CENPF: variants seen among roughly 807,000 people sequenced by gnomAD.
CENPF encodes the protein centromere protein F.
In CENPF, 214 loss-of-function variants were observed where a neutral mutation model predicts 307.3. The ratio of observed to expected loss-of-function variants is 0.70; its 90% CI spans 0.62 to 0.78. The LOEUF (loss-of-function observed/expected upper bound fraction) is 0.78. CENPF is among the 30% of genes least tolerant of loss of function. The pLI, the probability that CENPF is intolerant of heterozygous loss-of-function variation, is 0.00. For missense variants in CENPF, 3,401 were observed against 3,483.9 expected (o/e 0.98, Z 0.60); for synonymous variants, 1,259 against 1,270.6 (o/e 0.99, Z 0.19).
chr1:214,646,469 G>C lies in CENPF; in HGVS notation c.6899G>C (p.Arg2300Thr). ...CCAATAGAGGAAGAGCATCAGCTGA[G>C]AAATAGCATTGAAAAGCTGAGAGCC... ...DPPIEEEHQLRNSIEKLRARL... is the reference protein window; with the variant it reads ...DPPIEEEHQLTNSIEKLRARL... Residue 2300 changes from arginine to threonine, a missense_variant, in exon 13 of 20, where the codon AGA becomes ACA. By Grantham distance (71) the Arg-to-Thr change is moderately conservative. Coordinates refer to ENST00000366955, the MANE Select transcript of CENPF (RefSeq NM_016343.4). 1 of 1,614,102 alleles carries C rather than the reference G, an allele frequency of 6.2e-7. No homozygotes were observed. Among genetic ancestry groups the C allele is most frequent in the African/African-American group, 1.3e-5 (1 of 75,044 alleles).
Position 214,658,430 on chromosome 1 carries a change from T to C in CENPF, c.8963-420T>C, listed in dbSNP as rs567624083. On this transcript the variant is annotated intron_variant, in intron 18 of 19. Transcript: ENST00000366955. ...GAAGTAGCTGTTACCATTTTACATT[T>C]CCCCCCTTTCCCTTTCTTTTTTTTT... 2.0e-5 allele frequency among the ~76,000 whole-genome samples: 3 copies of C among 151,818 alleles called. No individual in the cohort carries two copies. In the East Asian group the frequency reaches 5.8e-4, roughly 29 times the overall value.
rs1658603909 is a variant in CENPF at position 214,655,390 on chromosome 1, G to A, written c.8472G>A (p.Glu2824=). 4 of 1,594,052 alleles carry A rather than the reference G, an allele frequency of 2.5e-6. No homozygotes were observed. The highest frequency in any genetic ancestry group is 3.4e-6 in the Non-Finnish European group (4 of 1,172,576). The change falls in exon 17 of 20, where the codon GAG becomes GAA. Residue 2824 remains glutamate (E), a synonymous_variant. Transcript: ENST00000366955. The stretch of plus-strand genomic sequence containing the variant: ...TCTCTCAACTTCAAGCTGCACAGGA[G>A]AAGCAGAAAACAGGTGGGTGTTAAC... ...KELSQLQAAQ[E]KQKTGTVMDT... is the part of the protein sequence containing the mutation.
chr1:214,651,006 A>G (rs541123861), intron 14 of CENPF, among the ~76,000 whole-genome samples: 3 of 152,338 alleles, frequency 2.0e-5, no homozygotes, highest in South Asian at 2.1e-4. Flanking sequence ...GTCGATTGAG[A>G]TGAGCTTAGA....
In CENPF at chr1:214,640,960, T is replaced by TC. The variant is rs750131359; in HGVS notation, c.2623dup (p.Gln875ProfsTer6). ...ATCTCATGAAAGCAGAACAGATGCA[T>TC]CAAAGTTTTGTGGCTGAAACAAGTC... On this transcript the variant is annotated frameshift_variant, in exon 12 of 20. Coordinates refer to ENST00000366955, the MANE Select transcript of CENPF (RefSeq NM_016343.4). LOFTEE classifies it high-confidence loss of function. 5.0e-6 allele frequency: 8 copies of TC among 1,603,620 alleles called. No homozygotes were observed. The highest frequency in any genetic ancestry group is 5.9e-6 in the Non-Finnish European group (7 of 1,177,556).
chr1:214,620,950 A>G lies in CENPF; in HGVS notation c.865+4A>G. On this transcript the variant is annotated splice_donor_region_variant and intron_variant, in intron 6 of 19. Transcript: ENST00000366955. Reference sequence around the variant, plus strand: ...CAATTAAAAGCGCAGAATCAAGGTAACATTGAGCTAAGTTAAGTTTAAATT... The same window carrying G: ...CAATTAAAAGCGCAGAATCAAGGTAGCATTGAGCTAAGTTAAGTTTAAATT... 1 of 1,591,736 alleles carries G rather than the reference A, an allele frequency of 6.3e-7. No homozygotes were observed. The highest frequency in any genetic ancestry group is 1.2e-5 in the South Asian group (1 of 86,894).
chr1:214,642,662 T>C lies in CENPF; in HGVS notation c.4324T>C (p.Leu1442=). The C allele has an allele frequency of 6.2e-7, 1 of 1,614,126 alleles. No individual in the cohort carries two copies. The highest frequency in any genetic ancestry group is 8.5e-7 in the Non-Finnish European group (1 of 1,180,018). Residue 1442 remains leucine, a synonymous_variant, in exon 12 of 20, where the codon TTA becomes CTA. Transcript: ENST00000366955. ...MSELQTYVDS[L]KAENLVLSTN... is the part of the protein sequence containing the mutation. ...AGAGCTGCAGACCTATGTTGACTCA[T>C]TAAAGGCCGAAAATTTGGTCTTGTC...
chr1:214,646,949 A>C lies in CENPF; in HGVS notation c.7379A>C (p.Asp2460Ala). The change falls in exon 13 of 20, where the codon GAC becomes GCC. Residue 2460 changes from aspartate (D) to alanine (A), a missense_variant. Transcript: ENST00000366955. ...GAGAGAGTGGCAGCCCTGCATAATG[A>C]CCAAGAAGCCTGTAAGGCCAAAGAG... ...LNERVAALHN[D>A]QEACKAKEQN... 2 of 1,614,076 alleles carry C rather than the reference A, an allele frequency of 1.2e-6. No individual in the cohort carries two copies. Among genetic ancestry groups the C allele is most frequent in the Non-Finnish European group, 1.7e-6 (2 of 1,179,956 alleles).
At chr1:214,634,700 G>C (rs1657907736) in intron 10 of CENPF, among the ~76,000 whole-genome samples, 1 of 152,200 alleles carries the variant, frequency 6.6e-6, no homozygotes, top group African/African-American at 2.4e-5. Flanking sequence ...ATTGTTTGCT[G>C]TCACCTACAG....
At position 214,639,977 on chromosome 1, in the gene CENPF, C is replaced by G. The variant is rs1276787022; in HGVS notation, c.1639C>G (p.Gln547Glu). The G allele has an allele frequency of 6.4e-7, 1 of 1,570,450 alleles. No individual in the cohort carries two copies. The change falls in exon 12 of 20, where the codon CAA becomes GAA. Residue 547 changes from glutamine (Q) to glutamate (E), a missense_variant. Gln to Glu is a conservative substitution (Grantham distance 29). Transcript: ENST00000366955. ...AGATCTTCAAGAAAAAATAAATCAGCAAGAAAACTCCTTGACTTTAGAAAA... is the reference window on the plus strand; with the variant it reads ...AGATCTTCAAGAAAAAATAAATCAGGAAGAAAACTCCTTGACTTTAGAAAA... Reference protein sequence around the residue: ...LRDLQEKINQQENSLTLEKLK... With the variant: ...LRDLQEKINQEENSLTLEKLK...
At chr1:214,648,124 A>C (rs1265070957) in intron 13 of CENPF, 3 of 347,738 alleles carry the variant, frequency 8.6e-6, no homozygotes, top group African/African-American at 6.4e-5. Context: ...TATCCACAAA[A>C]TTCATCTCCA....
At position 214,630,572 on chromosome 1, in the gene CENPF, C is replaced by A; in HGVS notation, c.1233C>A (p.Asp411Glu). The A allele has an allele frequency of 6.2e-7, 1 of 1,614,104 alleles. No individual in the cohort carries two copies. Among genetic ancestry groups the A allele is most frequent in the Non-Finnish European group, 8.5e-7 (1 of 1,179,994 alleles). ...AACAGCGTTCTTTCCAAACACTGGA[C>A]CAGGAGTGCATCCAGATGAAGGCCA... ...SRQQRSFQTL[D>E]QECIQMKARL... Residue 411 changes from aspartate (D) to glutamate (E), a missense_variant, in exon 9 of 20, where the codon GAC becomes GAA. Asp to Glu is a conservative substitution (Grantham distance 45). Coordinates refer to ENST00000366955, the MANE Select transcript of CENPF (RefSeq NM_016343.4).
intron 3 of CENPF, among the ~76,000 whole-genome samples, chr1:214,617,829 G>C (rs1192970489): frequency 6.6e-6 from 1 of 152,080 alleles, no homozygotes; most frequent in African/African-American, 2.4e-5. Flanking sequence ...GTTCTTTTAT[G>C]TCTCTGTCTT....
In CENPF at chr1:214,641,310, T is replaced by A; in HGVS notation, c.2972T>A (p.Met991Lys). 6.2e-7 allele frequency: 1 copy of A among 1,609,924 alleles called. No individual in the cohort carries two copies. Among genetic ancestry groups the A allele is most frequent in the Non-Finnish European group, 8.5e-7 (1 of 1,179,096 alleles). ...AATGCATCCTTAAATCAAGAGAAGA[T>A]GAACTTAATCCAGAAAAGTGAGAGT... Reference protein sequence around the residue: ...EINASLNQEKMNLIQKSESFA... With the variant: ...EINASLNQEKKNLIQKSESFA... Residue 991 changes from methionine (M) to lysine (K), a missense_variant, in exon 12 of 20, where the codon ATG (methionine) becomes AAG (lysine). Coordinates refer to ENST00000366955, the MANE Select transcript of CENPF (RefSeq NM_016343.4).
Position 214,643,255 on chromosome 1 carries a change from A to G in CENPF, c.4917A>G (p.Glu1639=), listed in dbSNP as rs202126235. ...KQTEQLSLEL[E]VARLQLQGLD... ...CGGAACAACTGTCACTTGAGCTGGAAGTAGCACGACTCCAGCTACAAGGTC... is the reference window on the plus strand; with the variant it reads ...CGGAACAACTGTCACTTGAGCTGGAGGTAGCACGACTCCAGCTACAAGGTC... The change falls in exon 12 of 20, where the codon GAA becomes GAG. Residue 1639 remains glutamate, a synonymous_variant. Transcript: ENST00000366955. The G allele has an allele frequency of 2.9e-5, 46 of 1,578,310 alleles. No homozygotes were observed. Among genetic ancestry groups the G allele is most frequent in the Non-Finnish European group, 3.5e-5 (41 of 1,166,612 alleles).
chr1:214,605,362 G>C, intron 1 of CENPF: 1 of 314,674 alleles, frequency 3.2e-6, no homozygotes, highest in East Asian at 6.8e-5. Flanking sequence ...TACAAACAAG[G>C]GAAACAAGGC....
chr1:214,658,499 C>G (rs1360741730), intron 18 of CENPF, among the ~76,000 whole-genome samples: 2 of 151,418 alleles, frequency 1.3e-5, no homozygotes, highest in Non-Finnish European at 2.9e-5. Flanking sequence ...TTCCCCAACC[C>G]AATTTTACAA....
At position 214,654,965 on chromosome 1, in the gene CENPF, T is replaced by TA. The variant is rs146886197; in HGVS notation, c.8323-273dup. On this transcript the variant is annotated intron_variant, in intron 16 of 19. Coordinates refer to ENST00000366955, the MANE Select transcript of CENPF (RefSeq NM_016343.4). ...GTAATCCAATGCGATTCCCATTGGA[T>TA]AAATACAGACATAGTGGGCACTTAA... 0.027 allele frequency among the ~76,000 whole-genome samples: 4,128 copies of TA among 152,322 alleles called. 193 individuals carry two copies. The highest frequency in any genetic ancestry group is 0.094 in the African/African-American group (3,923 of 41,558).
intron 18 of CENPF, among the ~76,000 whole-genome samples, chr1:214,658,601 T>C (rs1658706662): frequency 6.6e-6 from 1 of 152,168 alleles, no homozygotes; most frequent in Admixed American, 6.5e-5. Context: ...TTCTGTGTAG[T>C]GTTATTTTCC....
At chr1:214,616,837 CTTTCTTTCTTTCTTTCTTTCTT>C (rs1657355629) in intron 3 of CENPF, among the ~76,000 whole-genome samples, 1 of 2,328 alleles carries the variant, frequency 4.3e-4, no homozygotes, top group Non-Finnish European at 2.5e-3. Flanking sequence ...CTTCCTTCCT[CTTTCTTTCTTTCTTTCTTTCTT>C]TCTTTCTTTC....
Sources: allele counts gnomAD v4.1 joint callset (sites outside exome capture counted in the v4.1 genomes callset), GRCh38; gene constraint gnomAD v4.1.1; transcripts MANE v1.5; gene names NCBI Gene and HGNC (gene_info 2026-07-23, HGNC 2026-07-21).